Variants in PTPRO observed in about 807,000 individuals in gnomAD.
The protein encoded by PTPRO is receptor-type tyrosine-protein phosphatase O.
A neutral mutation model predicts 145.2 loss-of-function variants in PTPRO; 62 were observed. The ratio of observed to expected loss-of-function variants is 0.43; its 90% CI spans 0.35 to 0.53. The LOEUF is 0.53. PTPRO is among the 20% of genes least tolerant of loss of function. The pLI, the probability that PTPRO is intolerant of heterozygous loss-of-function variation, is 0.01. For synonymous variants in PTPRO, 565 were observed against 514.7 expected (o/e 1.10, Z -1.32); for missense variants, 1,345 against 1,482.7 (o/e 0.91, Z 1.53).
intron 1 of PTPRO, among the ~76,000 whole-genome samples, chr12:15,454,719 C>T (rs1034190724): frequency 6.6e-6 from 1 of 152,052 alleles, no homozygotes; most frequent in African/African-American, 2.4e-5. Flanking sequence ...TTTCATGTCT[C>T]GTGTTTAAGT....
In PTPRO at chr12:15,537,723, G is replaced by A. The variant is rs1481494058; in HGVS notation, c.2165-8846G>A. On this transcript the variant is annotated intron_variant, in intron 12 of 26. Transcript: ENST00000281171. ...TGAAAACAGCTTGTCTGTAGACTAA[G>A]CAAAATGATCCAACAAAACAGAGAA... Among the ~76,000 whole-genome samples the A allele has an allele frequency of 2.0e-5, 3 of 152,152 alleles. No homozygotes were observed. In the East Asian group the frequency reaches 5.8e-4, roughly 29 times the overall value.
intron 1 of PTPRO, among the ~76,000 whole-genome samples, chr12:15,327,277 T>G (rs1866471638): frequency 6.6e-6 from 1 of 152,248 alleles, no homozygotes; most frequent in Non-Finnish European, 1.5e-5. Context: ...CATTTATTCA[T>G]TAATGTTACC....
At chr12:15,408,629 T>C (rs1438903828) in intron 1 of PTPRO, among the ~76,000 whole-genome samples, 1 of 152,166 alleles carries the variant, frequency 6.6e-6, no homozygotes, top group Non-Finnish European at 1.5e-5. Context: ...GGTTTCACCA[T>C]GTTGGCCAGG....
intron 1 of PTPRO, among the ~76,000 whole-genome samples, chr12:15,475,371 C>A (rs1565651583): frequency 3.3e-5 from 5 of 152,216 alleles, no homozygotes. Flanking sequence ...GCTTAACAGA[C>A]TTTCCCATTA....
At chr12:15,339,198 A>T (rs1866882581) in intron 1 of PTPRO, among the ~76,000 whole-genome samples, 1 of 152,178 alleles carries the variant, frequency 6.6e-6, no homozygotes, top group South Asian at 2.1e-4. Context: ...GAGTTTAAAC[A>T]GTTAAGAGCA....
intron 1 of PTPRO, among the ~76,000 whole-genome samples, chr12:15,335,860 T>C (rs949622708): frequency 1.3e-5 from 2 of 152,192 alleles, no homozygotes; most frequent in African/African-American, 2.4e-5. Context: ...TACTGCTAGA[T>C]TGATGTAACA....
At chr12:15,539,332 A>T (rs1208554623) in intron 12 of PTPRO, among the ~76,000 whole-genome samples, 1 of 152,240 alleles carries the variant, frequency 6.6e-6, no homozygotes, top group East Asian at 1.9e-4. Flanking sequence ...TTTAAAAAAA[A>T]GAAAGTAATG....
intron 1 of PTPRO, among the ~76,000 whole-genome samples, chr12:15,358,742 C>A (rs181361787): frequency 1.5e-4 from 23 of 152,080 alleles, no homozygotes; most frequent in African/African-American, 5.6e-4. Flanking sequence ...TATGTTTTAC[C>A]TGTTATTTAA....
intron 1 of PTPRO, chr12:15,337,515 GT>G (rs1866806155): frequency 2.0e-5 from 3 of 152,170 alleles, no homozygotes; most frequent in Admixed American, 2.0e-4. Context: ...GCAGTCACTA[GT>G]TCCTCGCCCA....
intron 1 of PTPRO, among the ~76,000 whole-genome samples, chr12:15,392,449 G>T (rs758101380): frequency 6.0e-5 from 9 of 151,028 alleles, no homozygotes; most frequent in Non-Finnish European, 1.0e-4. Context: ...GGCCAGGCAT[G>T]GTGGCTCATC....
At position 15,472,781 on chromosome 12, in the gene PTPRO, C is replaced by T. The variant is rs530171053; in HGVS notation, c.76-11193C>T. 9.8e-5 allele frequency among the ~76,000 whole-genome samples: 15 copies of T among 152,304 alleles called. No homozygotes were observed. The South Asian group carries it at 3.1e-3, about 32-fold the overall frequency. On this transcript the variant is annotated intron_variant, in intron 1 of 26. Coordinates refer to ENST00000281171, the MANE Select transcript of PTPRO (RefSeq NM_030667.3). ...GTCACCAAACTGCACAGTGGCTGAGCCTTTGGATGAGTGTGACCAGGACCT... is the reference window on the plus strand; with the variant it reads ...GTCACCAAACTGCACAGTGGCTGAGTCTTTGGATGAGTGTGACCAGGACCT...
At chr12:15,579,781 C>A (rs1219252769) in intron 20 of PTPRO, among the ~76,000 whole-genome samples, 2 of 151,992 alleles carry the variant, frequency 1.3e-5, no homozygotes, top group African/African-American at 4.8e-5. Context: ...ATACTCTGAA[C>A]AACACCTAAA....
At chr12:15,513,423 A>T (rs1424321954) in intron 7 of PTPRO, among the ~76,000 whole-genome samples, 1 of 152,220 alleles carries the variant, frequency 6.6e-6, no homozygotes, top group South Asian at 2.1e-4. Flanking sequence ...TAAATATGAA[A>T]GAAAGAATGA....
chr12:15,439,132 T>C (rs1468079543), intron 1 of PTPRO, among the ~76,000 whole-genome samples: 2 of 152,136 alleles, frequency 1.3e-5, no homozygotes, highest in Admixed American at 1.3e-4. Context: ...TCAGCATTCT[T>C]AAAGAAAAGA....
chr12:15,575,371 T>C (rs565021291), intron 19 of PTPRO, among the ~76,000 whole-genome samples: 58 of 152,278 alleles, frequency 3.8e-4, no homozygotes, highest in African/African-American at 1.3e-3. Context: ...AGCAGGCTAG[T>C]TGGAATTTCT....
At chr12:15,554,030 A>G (rs1399498085) in intron 15 of PTPRO, among the ~76,000 whole-genome samples, 2 of 152,216 alleles carry the variant, frequency 1.3e-5, no homozygotes, top group South Asian at 2.1e-4. Flanking sequence ...CCCTGTCTCT[A>G]CTGAAAATAC....
intron 25 of PTPRO, among the ~76,000 whole-genome samples, chr12:15,590,711 T>C (rs1944533381): frequency 6.6e-6 from 1 of 152,190 alleles, no homozygotes; most frequent in South Asian, 2.1e-4. Context: ...GGGAAAGAGT[T>C]ATCCTCGTTA....
At chr12:15,452,337 T>G (rs1288486475) in intron 1 of PTPRO, among the ~76,000 whole-genome samples, 2 of 152,026 alleles carry the variant, frequency 1.3e-5, no homozygotes, top group African/African-American at 4.8e-5. Flanking sequence ...AGCAGTGAGA[T>G]TGAAATGGTA....
chr12:15,432,741 C>T (rs756164399), intron 1 of PTPRO, among the ~76,000 whole-genome samples: 3 of 152,198 alleles, frequency 2.0e-5, no homozygotes, highest in African/African-American at 4.8e-5. Flanking sequence ...ATTTGCATTT[C>T]TCTAATAATC....
Sources: gnomAD v4.1 joint callset for allele counts (sites outside exome capture counted in the v4.1 genomes callset) on GRCh38, gnomAD v4.1.1 for gene constraint, MANE v1.5 for transcripts, NCBI Gene and HGNC (gene_info 2026-07-23, HGNC 2026-07-21) for gene names.